PRKN: variants seen among roughly 807,000 people sequenced by gnomAD.
PRKN encodes E3 ubiquitin-protein ligase parkin.
A neutral mutation model predicts 59.5 loss-of-function variants in PRKN; 56 were observed. That is an observed-to-expected ratio of 0.94 (90% CI 0.76 to 1.18). The LOEUF (loss-of-function observed/expected upper bound fraction) is 1.18. Among genes scored for constraint, PRKN ranks in the 50% most tolerant of loss-of-function variants. The pLI is 0.00. For synonymous variants in PRKN, 250 were observed against 222.1 expected, an observed-to-expected ratio of 1.13 and a Z score of -1.12; for missense variants, 657 against 596.4, an observed-to-expected ratio of 1.10 and a Z score of -1.06.
intron 3 of PRKN, among the ~76,000 whole-genome samples, chr6:162,235,975 A>AAGAAAGAAAGAAAGAAAGAAAG (rs1562602453): frequency 2.7e-5 from 3 of 110,608 alleles, no homozygotes; most frequent in African/African-American, 1.4e-4. Flanking sequence ...GAAAGAAAGA[A>AAGAAAGAAAGAAAGAAAGAAAG]AGAAAGAAAG....
At chr6:161,936,879 G>A (rs566886523) in intron 6 of PRKN, among the ~76,000 whole-genome samples, 178 of 151,146 alleles carry the variant, frequency 1.2e-3, no homozygotes, top group Non-Finnish European at 2.0e-3. Context: ...TCCACCTCCC[G>A]GGTGCAACTG....
At chr6:162,094,984 G>C (rs996613077) in intron 4 of PRKN, among the ~76,000 whole-genome samples, 1 of 152,152 alleles carries the variant, frequency 6.6e-6, no homozygotes, top group Non-Finnish European at 1.5e-5. Flanking sequence ...TAGGTAGATA[G>C]ATGCCAGATG....
intron 4 of PRKN, among the ~76,000 whole-genome samples, chr6:162,054,579 G>C (rs1562486085): frequency 6.6e-6 from 1 of 152,112 alleles, no homozygotes; most frequent in Non-Finnish European, 1.5e-5. Context: ...GCCCAGCACA[G>C]AGCAAGGGCT....
intron 6 of PRKN, among the ~76,000 whole-genome samples, chr6:161,843,796 A>AATTC (rs1562331928): frequency 6.6e-6 from 1 of 152,172 alleles, no homozygotes; most frequent in Non-Finnish European, 1.5e-5. Context: ...TCTCTAAATA[A>AATTC]ATTCATTCAT....
At chr6:161,802,861 G>A (rs1426993964) in intron 6 of PRKN, among the ~76,000 whole-genome samples, 1 of 152,136 alleles carries the variant, frequency 6.6e-6, no homozygotes, top group Non-Finnish European at 1.5e-5. Flanking sequence ...AGTTGATGGT[G>A]AGCTGAGCCA....
chr6:161,742,889 C>T (rs569664736), intron 7 of PRKN, among the ~76,000 whole-genome samples: 6 of 152,294 alleles, frequency 3.9e-5, no homozygotes, highest in African/African-American at 1.4e-4. Flanking sequence ...CACCCTTTCT[C>T]TGAAGGCCGC....
chr6:161,919,398 G>T (rs1479225183), intron 6 of PRKN, among the ~76,000 whole-genome samples: 1 of 152,120 alleles, frequency 6.6e-6, no homozygotes, highest in East Asian at 1.9e-4. Flanking sequence ...ACTTTTTAGG[G>T]TTTATTTTTC....
chr6:162,070,128 G>C (rs1361337303), intron 4 of PRKN, among the ~76,000 whole-genome samples: 2 of 152,196 alleles, frequency 1.3e-5, no homozygotes, highest in Non-Finnish European at 2.9e-5. Context: ...GTCATGTGTT[G>C]ATAATTTGTT....
chr6:162,386,701 T>C (rs1394409222), intron 2 of PRKN, among the ~76,000 whole-genome samples: 1 of 152,212 alleles, frequency 6.6e-6, no homozygotes, highest in African/African-American at 2.4e-5. Flanking sequence ...TATGTGCGTG[T>C]ATGCATGTGT....
chr6:161,827,500 T>A (rs572624458), intron 6 of PRKN, among the ~76,000 whole-genome samples: 1 of 142,738 alleles, frequency 7.0e-6, no homozygotes, highest in East Asian at 2.1e-4. Context: ...TTCACCTCAA[T>A]TGATTTTACT....
intron 3 of PRKN, among the ~76,000 whole-genome samples, chr6:162,226,402 G>A (rs1778183282): frequency 6.6e-6 from 1 of 152,098 alleles, no homozygotes; most frequent in African/African-American, 2.4e-5. Context: ...CACTGTAATG[G>A]GAAAGGCCCA....
chr6:162,460,806 T>G (rs1791116107), intron 1 of PRKN, among the ~76,000 whole-genome samples: 1 of 152,212 alleles, frequency 6.6e-6, no homozygotes, highest in South Asian at 2.1e-4. Flanking sequence ...AAAGTTTTTC[T>G]GTTAAATATC....
At position 161,951,927 on chromosome 6, in the gene PRKN, AAAAAG is replaced by A. The variant is rs534921773; in HGVS notation, c.734+21370_734+21374del. Among the ~76,000 whole-genome samples, 280 of 152,184 alleles carry A rather than the reference AAAAAG, an allele frequency of 1.8e-3. 1 individual carries two copies. Among genetic ancestry groups the A allele is most frequent in the Middle Eastern group, 0.014 (4 of 294 alleles). ...AGCAAGACTCCATCTTAAAAAAAAA[AAAAAG>A]AAAGGAAGAAGGAAATGTAAATGTT... On this transcript the variant is annotated intron_variant, in intron 6 of 11. Transcript: ENST00000366898.
chr6:161,627,213 T>A (rs1783121998), intron 7 of PRKN, among the ~76,000 whole-genome samples: 2 of 152,230 alleles, frequency 1.3e-5, no homozygotes, highest in African/African-American at 2.4e-5. Context: ...CATGCTAAGA[T>A]GATCTTACCA....
At chr6:161,666,499 G>A (rs541581390) in intron 7 of PRKN, among the ~76,000 whole-genome samples, 31 of 152,186 alleles carry the variant, frequency 2.0e-4, no homozygotes, top group Admixed American at 7.2e-4. Context: ...AAAAGGTTAG[G>A]GACCACTGCC....
chr6:162,447,097 T>C (rs1562771417), intron 1 of PRKN, among the ~76,000 whole-genome samples: 1 of 152,174 alleles, frequency 6.6e-6, no homozygotes, highest in Non-Finnish European at 1.5e-5. Flanking sequence ...ATGGATGTAT[T>C]AGAAAATCTC....
At chr6:162,424,585 A>T (rs1331179052) in intron 2 of PRKN, among the ~76,000 whole-genome samples, 1 of 151,778 alleles carries the variant, frequency 6.6e-6, no homozygotes, top group Admixed American at 6.6e-5. Context: ...AATACAAAAA[A>T]ATTAGCCGGG....
chr6:162,159,947 C>G (rs1378979873), intron 4 of PRKN, among the ~76,000 whole-genome samples: 2 of 152,026 alleles, frequency 1.3e-5, no homozygotes, highest in Non-Finnish European at 2.9e-5. Context: ...ATATGAAGGT[C>G]TAGAAGGAAA....
At chr6:161,495,042 A>G (rs1173967494) in intron 9 of PRKN, among the ~76,000 whole-genome samples, 1 of 152,254 alleles carries the variant, frequency 6.6e-6, no homozygotes, top group Non-Finnish European at 1.5e-5. Context: ...AGGAAAGCAA[A>G]AAGAAGCAGG....
Sources: gnomAD v4.1 joint callset for allele counts (sites outside exome capture counted in the v4.1 genomes callset) on GRCh38, gnomAD v4.1.1 for gene constraint, MANE v1.5 for transcripts, NCBI Gene and HGNC (gene_info 2026-07-23, HGNC 2026-07-21) for gene names.